The following THSD4 variants were observed in gnomAD, a reference collection of about 807,000 sequenced individuals.
THSD4 encodes thrombospondin type-1 domain-containing protein 4.
Under a neutral mutation model 119.0 loss-of-function variants are expected in THSD4, and 69 were observed. That is an observed-to-expected ratio of 0.58 (90% confidence interval 0.48 to 0.71). THSD4 has a LOEUF of 0.71. Among genes scored for constraint, THSD4 ranks in the 30% least tolerant of loss-of-function variants. THSD4 has a pLI of 0.00. For missense variants in THSD4, 1,393 were observed against 1,391.1 expected, an observed-to-expected ratio of 1.00 and a Z score of -0.02; for synonymous variants, 524 against 540.4, an observed-to-expected ratio of 0.97 and a Z score of 0.42.
intron 1 of THSD4, among the ~76,000 whole-genome samples, chr15:71,122,002 G>A (rs1002523020): frequency 1.3e-5 from 2 of 152,136 alleles, no homozygotes; most frequent in African/African-American, 4.8e-5. Flanking sequence ...GAGCCCTGAG[G>A]GTAGAGCTGT....
At chr15:71,658,477 C>G (rs967238821) in intron 7 of THSD4, among the ~76,000 whole-genome samples, 1 of 152,120 alleles carries the variant, frequency 6.6e-6, no homozygotes, top group African/African-American at 2.4e-5. Flanking sequence ...TGGGTGTTGA[C>G]CACCTCTCCT....
chr15:71,177,809 T>C (rs1455500691), intron 3 of THSD4, among the ~76,000 whole-genome samples: 1 of 148,812 alleles, frequency 6.7e-6, no homozygotes, highest in African/African-American at 2.5e-5. Context: ...GTGGGCTTCA[T>C]CCCTGGGATG....
intron 8 of THSD4, among the ~76,000 whole-genome samples, chr15:71,704,951 G>A (rs891939863): frequency 3.9e-5 from 6 of 152,202 alleles, no homozygotes; most frequent in African/African-American, 1.2e-4. Flanking sequence ...GGAATAAAAA[G>A]TCCACTTTGG....
At chr15:71,577,988 C>G (rs2049485831) in intron 7 of THSD4, among the ~76,000 whole-genome samples, 1 of 151,592 alleles carries the variant, frequency 6.6e-6, no homozygotes, top group Non-Finnish European at 1.5e-5. Context: ...CTGCTACTCT[C>G]TACCATTTCC....
intron 1 of THSD4, among the ~76,000 whole-genome samples, chr15:71,130,778 T>C (rs531829403): frequency 6.6e-6 from 1 of 152,352 alleles, no homozygotes; most frequent in African/African-American, 2.4e-5. Flanking sequence ...GGAGTCTTGC[T>C]GTGTTGCCCA....
intron 6 of THSD4, among the ~76,000 whole-genome samples, chr15:71,298,692 A>C (rs1008972719): frequency 1.4e-5 from 2 of 147,650 alleles, no homozygotes; most frequent in Non-Finnish European, 3.0e-5. Flanking sequence ...GGCTCACTGC[A>C]ATCTCTGCCT....
intron 8 of THSD4, among the ~76,000 whole-genome samples, chr15:71,698,034 C>T (rs555196445): frequency 3.9e-4 from 59 of 152,268 alleles, no homozygotes; most frequent in African/African-American, 1.4e-3. Flanking sequence ...AAGGGCCTCC[C>T]CCTCATCAGC....
chr15:71,322,300 C>T (rs576858288), intron 6 of THSD4, among the ~76,000 whole-genome samples: 59 of 152,166 alleles, frequency 3.9e-4, no homozygotes, highest in Admixed American at 1.7e-3. Context: ...ACACTCAACC[C>T]TTGCTGGAGG....
chr15:71,576,748 A>C (rs953128610), intron 7 of THSD4, among the ~76,000 whole-genome samples: 2 of 152,110 alleles, frequency 1.3e-5, no homozygotes, highest in African/African-American at 4.8e-5. Context: ...ATCCTTTCTA[A>C]TTTCCTTTGA....
chr15:71,619,502 C>T (rs1326886448), intron 7 of THSD4, among the ~76,000 whole-genome samples: 1 of 152,196 alleles, frequency 6.6e-6, no homozygotes, highest in East Asian at 1.9e-4. Flanking sequence ...TTGTTATTTT[C>T]TCATTCAGTA....
intron 9 of THSD4, chr15:71,729,006 A>C (rs539573614): frequency 2.9e-5 from 13 of 443,436 alleles, no homozygotes; most frequent in African/African-American, 2.2e-4. Flanking sequence ...ATCAGAGGCA[A>C]AACATGCCCT....
intron 6 of THSD4, among the ~76,000 whole-genome samples, chr15:71,278,751 C>T (rs1043782749): frequency 1.3e-5 from 2 of 152,038 alleles, no homozygotes; most frequent in South Asian, 2.1e-4. Context: ...GGGTAAGAAA[C>T]GCTAGGCAGA....
At chr15:71,590,773 G>A (rs1354030025) in intron 7 of THSD4, among the ~76,000 whole-genome samples, 3 of 152,078 alleles carry the variant, frequency 2.0e-5, no homozygotes, top group Non-Finnish European at 4.4e-5. Flanking sequence ...GGAGGCCAAG[G>A]CAGGCGGATC....
upstream of THSD4, chr15:71,112,318 G>T (rs777329393): frequency 3.3e-6 from 4 of 1,224,414 alleles, no homozygotes; most frequent in Non-Finnish European, 4.4e-6. Context: ...ATGAAGGGGG[G>T]TACTATTAAT....
At chr15:71,373,174 G>GT (rs2046081105) in intron 6 of THSD4, among the ~76,000 whole-genome samples, 1 of 152,170 alleles carries the variant, frequency 6.6e-6, no homozygotes, top group South Asian at 2.1e-4. Context: ...TAATCAAAAA[G>GT]TTATTTAGAA....
chr15:71,707,077 G>A (rs915983091), intron 8 of THSD4, among the ~76,000 whole-genome samples: 4 of 152,266 alleles, frequency 2.6e-5, no homozygotes, highest in Non-Finnish European at 5.9e-5. Flanking sequence ...TCTCTGAGCT[G>A]AGATGGGAGG....
intron 6 of THSD4, among the ~76,000 whole-genome samples, chr15:71,264,659 T>C (rs1292918125): frequency 2.0e-5 from 3 of 152,100 alleles, no homozygotes; most frequent in African/African-American, 7.2e-5. Flanking sequence ...GGATAAGACC[T>C]TCAAGAAAAT....
intron 7 of THSD4, among the ~76,000 whole-genome samples, chr15:71,606,836 A>G (rs913478824): frequency 6.6e-6 from 1 of 152,204 alleles, no homozygotes; most frequent in African/African-American, 2.4e-5. Context: ...CACCATGCCC[A>G]GCCTCAAATG....
At chr15:71,453,971 T>C (rs1335562794) in intron 7 of THSD4, among the ~76,000 whole-genome samples, 1 of 152,180 alleles carries the variant, frequency 6.6e-6, no homozygotes, top group Non-Finnish European at 1.5e-5. Flanking sequence ...AAAACCACTC[T>C]TTCAGCTGGG....
Sources: allele counts gnomAD v4.1 joint callset (sites outside exome capture counted in the v4.1 genomes callset), GRCh38; gene constraint gnomAD v4.1.1; transcripts MANE v1.5; gene names NCBI Gene and HGNC (gene_info 2026-07-23, HGNC 2026-07-21).